PLCB1: variants seen among roughly 807,000 people sequenced by gnomAD.
PLCB1 encodes the protein phospholipase C beta 1, also known as 1-phosphatidylinositol 4,5-bisphosphate phosphodiesterase beta-1.
PLCB1 carries 46 observed loss-of-function variants against 161.8 expected under a neutral mutation model. That is an observed-to-expected ratio of 0.28 (90% CI 0.22 to 0.36). The LOEUF (loss-of-function observed/expected upper bound fraction) is 0.36. Ranked by LOEUF, PLCB1 falls within the 10% of genes least tolerant of loss-of-function variation. PLCB1 has a pLI of 1.00. For synonymous variants in PLCB1, 517 were observed against 503.7 expected (o/e 1.03, Z -0.35); for missense variants, 1,016 against 1,472.5 (o/e 0.69, Z 5.07).
intron 31 of PLCB1, among the ~76,000 whole-genome samples, chr20:8,829,755 G>T (rs113204927): frequency 6.6e-6 from 1 of 152,186 alleles, no homozygotes; most frequent in Non-Finnish European, 1.5e-5. Flanking sequence ...GTTCAGCAAC[G>T]TATAGATCAT....
intron 3 of PLCB1, among the ~76,000 whole-genome samples, chr20:8,553,639 G>A (rs1985845931): frequency 6.6e-6 from 1 of 152,030 alleles, no homozygotes; most frequent in Non-Finnish European, 1.5e-5. Context: ...TTTTAAGACT[G>A]AAAAATCAAG....
At chr20:8,792,569 G>T (rs760761494) in intron 31 of PLCB1, 31 of 470,980 alleles carry the variant, frequency 6.6e-5, no homozygotes, top group Non-Finnish European at 1.1e-4. Context: ...TATTGTCTGC[G>T]TTTTTTATTG....
intron 2 of PLCB1, among the ~76,000 whole-genome samples, chr20:8,293,777 A>G (rs1172018122): frequency 6.6e-6 from 1 of 152,148 alleles, no homozygotes; most frequent in Non-Finnish European, 1.5e-5. Context: ...TCACTTAGCT[A>G]CGGAAACATT....
At chr20:8,157,415 C>A (rs563836888) in intron 2 of PLCB1, among the ~76,000 whole-genome samples, 1 of 152,326 alleles carries the variant, frequency 6.6e-6, no homozygotes, top group East Asian at 1.9e-4. Flanking sequence ...CCCTACTGAC[C>A]AAGACCTTAG....
intron 2 of PLCB1, among the ~76,000 whole-genome samples, chr20:8,289,839 G>A (rs1255313347): frequency 6.6e-6 from 1 of 152,186 alleles, no homozygotes; most frequent in Non-Finnish European, 1.5e-5. Flanking sequence ...CCATTAGGCT[G>A]CAGTTTTGAC....
chr20:8,857,040 G>A (rs2146308508), intron 31 of PLCB1, among the ~76,000 whole-genome samples: 1 of 152,338 alleles, frequency 6.6e-6, no homozygotes, highest in East Asian at 1.9e-4. Context: ...TTTCATGTTT[G>A]AGGGTCACTT....
chr20:8,434,055 T>C (rs968002067), intron 3 of PLCB1, among the ~76,000 whole-genome samples: 2 of 152,222 alleles, frequency 1.3e-5, no homozygotes, highest in Non-Finnish European at 2.9e-5. Flanking sequence ...TTTCTTTCTT[T>C]CTCATTCTTA....
chr20:8,481,273 C>T (rs893535719), intron 3 of PLCB1, among the ~76,000 whole-genome samples: 1 of 152,124 alleles, frequency 6.6e-6, no homozygotes, highest in African/African-American at 2.4e-5. Context: ...CCTTGAGTGC[C>T]TTCTGATAGA....
intron 3 of PLCB1, among the ~76,000 whole-genome samples, chr20:8,548,797 T>A (rs891622107): frequency 2.6e-5 from 4 of 152,214 alleles, no homozygotes; most frequent in Non-Finnish European, 4.4e-5. Context: ...ACTTTGTGTC[T>A]GACACAGGTG....
chr20:8,132,296 G>A lies in PLCB1; in HGVS notation c.-356G>A. On this transcript the variant is annotated 5_prime_UTR_variant, in exon 1 of 32. The change creates a new upstream start codon in the 5' untranslated region. Transcript: ENST00000338037. This position sits in a 1 kb window ranked among gnomAD's most constrained non-coding sequence, Gnocchi z 5.2. ...CTCTCTCCCTCTGTGTATAGAGGAT[G>A]TGCTGAATGGTGCGCTTTGAGGCGG... 1 of 181,130 alleles carries A rather than the reference G, an allele frequency of 5.5e-6. No homozygotes were observed. Among genetic ancestry groups the A allele is most frequent in the Non-Finnish European group, 1.1e-5 (1 of 87,412 alleles). 11.2% of individuals were successfully genotyped at this position (181,130 alleles called of 1,614,324 possible). A position where few individuals can be genotyped will look rare whatever the true frequency, so the allele number is the denominator to read the frequency against.
At chr20:8,325,077 A>C (rs1985094852) in intron 2 of PLCB1, among the ~76,000 whole-genome samples, 1 of 152,208 alleles carries the variant, frequency 6.6e-6, no homozygotes, top group Non-Finnish European at 1.5e-5. Context: ...TCATGCCCCT[A>C]CTATTCGCAG....
intron 9 of PLCB1, among the ~76,000 whole-genome samples, chr20:8,678,858 C>G (rs563615460): frequency 1.3e-5 from 2 of 152,288 alleles, no homozygotes; most frequent in South Asian, 2.1e-4. Context: ...ATTTACATCC[C>G]CAAGAAGGTT....
chr20:8,747,248 G>C (rs560149333), intron 23 of PLCB1, among the ~76,000 whole-genome samples: 1 of 152,296 alleles, frequency 6.6e-6, no homozygotes, highest in East Asian at 1.9e-4. Context: ...TTATCTTTGT[G>C]GGTTCTATTT....
intron 3 of PLCB1, chr20:8,600,762 C>CGTAG (rs1987548153): frequency 6.6e-6 from 1 of 151,968 alleles, no homozygotes; most frequent in Non-Finnish European, 1.5e-5. Context: ...ACTCCGTGGG[C>CGTAG]GTAGGACCCT....
intron 2 of PLCB1, among the ~76,000 whole-genome samples, chr20:8,221,372 G>A (rs1039203042): frequency 2.0e-5 from 3 of 151,556 alleles, no homozygotes; most frequent in Non-Finnish European, 2.9e-5. Context: ...CATTCTAATT[G>A]CAATTTTTTT....
intron 2 of PLCB1, among the ~76,000 whole-genome samples, chr20:8,308,428 C>A (rs556963503): frequency 4.9e-4 from 74 of 151,444 alleles, no homozygotes; most frequent in African/African-American, 1.7e-3. Context: ...ACCAGCCTGG[C>A]CAACATGGTG....
chr20:8,783,941 A>G (rs1404568692), intron 27 of PLCB1, among the ~76,000 whole-genome samples: 1 of 152,194 alleles, frequency 6.6e-6, no homozygotes. Context: ...GGTAAAATAT[A>G]CAGCAGCTCC....
chr20:8,750,984 G>A (rs1205482215), intron 23 of PLCB1: 8 of 531,018 alleles, frequency 1.5e-5, no homozygotes, highest in Non-Finnish European at 2.4e-5. Flanking sequence ...TGCCCAGGCT[G>A]GAGTGCAGAG....
intron 2 of PLCB1, among the ~76,000 whole-genome samples, chr20:8,167,673 TTTC>T (rs1426595397): frequency 6.6e-6 from 1 of 152,236 alleles, no homozygotes; most frequent in African/African-American, 2.4e-5. Context: ...TATTTTATCA[TTTC>T]TTTTTAAATT....
Sources: allele counts gnomAD v4.1 joint callset (sites outside exome capture counted in the v4.1 genomes callset), GRCh38; gene constraint gnomAD v4.1.1; non-coding constraint Gnocchi (gnomAD v3.1); transcripts MANE v1.5; gene names NCBI Gene and HGNC (gene_info 2026-07-23, HGNC 2026-07-21).